The following ZBTB20 variants were observed in gnomAD, a reference collection of about 807,000 sequenced individuals.
ZBTB20 encodes zinc finger and BTB domain-containing protein 20.
A neutral mutation model predicts 56.9 loss-of-function variants in ZBTB20; 9 were observed. The ratio of observed to expected loss-of-function variants is 0.16; its 90% CI spans 0.10 to 0.28. ZBTB20 has a LOEUF of 0.28. Ranked by LOEUF, ZBTB20 falls within the 10% of genes least tolerant of loss-of-function variation. The pLI, the probability that ZBTB20 is intolerant of heterozygous loss-of-function variation, is 1.00. For synonymous variants in ZBTB20, 417 were observed against 420.7 expected, an observed-to-expected ratio of 0.99 and a Z score of 0.11; for missense variants, 655 against 1,003.0, an observed-to-expected ratio of 0.65 and a Z score of 4.69.
Position 115,063,235 on chromosome 3 carries a change from A to C in ZBTB20, c.-507+7984T>G, listed in dbSNP as rs982278122. On this transcript the variant is annotated intron_variant, in intron 2 of 11. Transcript: ENST00000675478. ...CAAAGTCCAAAATACTTGGTATCTGAGTTCAGGGTGCAATAATAATAAATT... is the reference window on the plus strand; with the variant it reads ...CAAAGTCCAAAATACTTGGTATCTGCGTTCAGGGTGCAATAATAATAAATT... Among the ~76,000 whole-genome samples, 56 of 152,214 alleles carry C rather than the reference A, an allele frequency of 3.7e-4. 1 individual carries two copies. The highest frequency in any genetic ancestry group is 1.4e-3 in the African/African-American group (56 of 41,454).
At chr3:114,770,809 T>G (rs2069141491) in intron 5 of ZBTB20, among the ~76,000 whole-genome samples, 1 of 152,180 alleles carries the variant, frequency 6.6e-6, no homozygotes, top group East Asian at 1.9e-4. Context: ...GAGTTTAGGC[T>G]TTTTTCGGAT....
chr3:114,317,816 C>T lies in ZBTB20; in HGVS notation c.*21189G>A, dbSNP rs1201449361. Reference sequence around the variant, plus strand: ...TTGCAAGTTTGTGTGTGTGTGTGCTCGCATACATGAAACGCGAGTCCAAGG... The same window carrying T: ...TTGCAAGTTTGTGTGTGTGTGTGCTTGCATACATGAAACGCGAGTCCAAGG... On this transcript the variant is annotated 3_prime_UTR_variant, in exon 12 of 12. Coordinates refer to ENST00000675478, the MANE Select transcript of ZBTB20 (RefSeq NM_001348800.3). The T allele has an allele frequency of 6.6e-6, 1 of 152,004 alleles. No homozygotes were observed. The highest frequency in any genetic ancestry group is 2.4e-5 in the African/African-American group (1 of 41,348). 9.4% of individuals were successfully genotyped at this position (152,004 alleles called of 1,614,324 possible).
At chr3:114,925,468 A>T (rs1212129525) in intron 3 of ZBTB20, among the ~76,000 whole-genome samples, 2 of 152,168 alleles carry the variant, frequency 1.3e-5, no homozygotes, top group African/African-American at 4.8e-5. Context: ...TCCTTAAGAA[A>T]GGGTAACATT....
chr3:114,997,035 G>C (rs2079057012), intron 2 of ZBTB20, among the ~76,000 whole-genome samples: 1 of 151,782 alleles, frequency 6.6e-6, no homozygotes, highest in East Asian at 1.9e-4. Context: ...CCTGTTGGTG[G>C]GAGTGTAAAT....
chr3:114,448,748 T>C (rs1466970818), intron 7 of ZBTB20, among the ~76,000 whole-genome samples: 2 of 152,168 alleles, frequency 1.3e-5, no homozygotes, highest in African/African-American at 4.8e-5. Flanking sequence ...TAAATTAAGA[T>C]AAAATATTTG....
At chr3:115,096,482 A>C (rs2083384050) in intron 1 of ZBTB20, among the ~76,000 whole-genome samples, 2 of 152,208 alleles carry the variant, frequency 1.3e-5, no homozygotes, top group South Asian at 4.1e-4. Flanking sequence ...GACCTCCAAG[A>C]TAAACCAGCT....
intron 7 of ZBTB20, among the ~76,000 whole-genome samples, chr3:114,390,628 A>G (rs2085764950): frequency 6.6e-6 from 1 of 152,196 alleles, no homozygotes; most frequent in South Asian, 2.1e-4. Flanking sequence ...CCTGACCTCA[A>G]CAATCACTTC....
intron 2 of ZBTB20, among the ~76,000 whole-genome samples, chr3:115,019,943 T>C (rs919585795): frequency 6.6e-6 from 1 of 151,070 alleles, no homozygotes; most frequent in South Asian, 2.1e-4. Context: ...TCCACAAAAA[T>C]AAGAACAACA....
intron 7 of ZBTB20, among the ~76,000 whole-genome samples, chr3:114,435,202 G>A (rs1472915874): frequency 6.6e-6 from 1 of 151,902 alleles, no homozygotes; most frequent in Non-Finnish European, 1.5e-5. Context: ...CATATGAAAA[G>A]CTGTGCATTT....
intron 5 of ZBTB20, among the ~76,000 whole-genome samples, chr3:114,705,936 C>T (rs143575177): frequency 6.6e-6 from 1 of 152,258 alleles, no homozygotes; most frequent in African/African-American, 2.4e-5. Context: ...GAATTAAATC[C>T]TAGTTATAAA....
At chr3:114,921,439 T>C (rs763510416) in intron 3 of ZBTB20, among the ~76,000 whole-genome samples, 1 of 152,194 alleles carries the variant, frequency 6.6e-6, no homozygotes, top group South Asian at 2.1e-4. Context: ...CTAGATGTCT[T>C]GATGAGCGGA....
intron 6 of ZBTB20, among the ~76,000 whole-genome samples, chr3:114,573,589 AAAAAG>A (rs960974123): frequency 2.7e-4 from 41 of 151,922 alleles, no homozygotes; most frequent in East Asian, 5.8e-4. Flanking sequence ...AGGAAAAAGA[AAAAAG>A]AAAAGAAAAG....
intron 6 of ZBTB20, chr3:114,518,565 C>A (rs1447096515): frequency 6.6e-6 from 1 of 152,110 alleles, no homozygotes; most frequent in Non-Finnish European, 1.5e-5. Flanking sequence ...GGGGAACCTG[C>A]TAGTTAGGAA....
intron 6 of ZBTB20, among the ~76,000 whole-genome samples, chr3:114,654,777 A>T (rs6764695): frequency 0.072 from 11,005 of 152,120 alleles, 593 homozygotes; most frequent in African/African-American, 0.14. Flanking sequence ...AGAATGTTAA[A>T]ATCTCCAATT....
At chr3:114,892,059 AT>A (rs1256340514) in intron 4 of ZBTB20, among the ~76,000 whole-genome samples, 15 of 152,102 alleles carry the variant, frequency 9.9e-5, no homozygotes, top group South Asian at 2.1e-4. Flanking sequence ...AAAAAAAAAA[AT>A]ATCCAAATCT....
chr3:114,692,503 C>T (rs774508873), intron 6 of ZBTB20, among the ~76,000 whole-genome samples: 5 of 152,076 alleles, frequency 3.3e-5, no homozygotes, highest in Admixed American at 6.6e-5. Flanking sequence ...TCATATAAAG[C>T]GAAGTCAAGA....
chr3:114,709,985 T>A (rs2063957848), intron 5 of ZBTB20, among the ~76,000 whole-genome samples: 1 of 152,160 alleles, frequency 6.6e-6, no homozygotes, highest in South Asian at 2.1e-4. Flanking sequence ...CAACAATGGG[T>A]TAGAGTTTCA....
intron 1 of ZBTB20, among the ~76,000 whole-genome samples, chr3:115,082,609 C>G (rs986216016): frequency 1.3e-5 from 2 of 151,960 alleles, no homozygotes; most frequent in Admixed American, 6.6e-5. Flanking sequence ...AACTAAAATG[C>G]CTTATACTTG....
chr3:114,352,093 T>C (rs1291179252), intron 10 of ZBTB20: 2 of 605,508 alleles, frequency 3.3e-6, no homozygotes, highest in Non-Finnish European at 5.6e-6. Flanking sequence ...TTCCGGCCTT[T>C]AGTGCCGCAG....
Sources: allele counts gnomAD v4.1 joint callset (sites outside exome capture counted in the v4.1 genomes callset), GRCh38; gene constraint gnomAD v4.1.1; transcripts MANE v1.5; gene names NCBI Gene and HGNC (gene_info 2026-07-23, HGNC 2026-07-21).